PCSK2: variants seen among roughly 807,000 people sequenced by gnomAD.
The protein encoded by PCSK2 is neuroendocrine convertase 2.
PCSK2 carries 14 observed loss-of-function variants against 69.7 expected under a neutral mutation model. That is an observed-to-expected ratio of 0.20 (90% confidence interval 0.13 to 0.31). The LOEUF (loss-of-function observed/expected upper bound fraction) is 0.31, where lower values mean the gene tolerates loss of function less well. Ranked by LOEUF, PCSK2 falls within the 10% of genes least tolerant of loss-of-function variation. PCSK2 has a pLI of 1.00. For synonymous variants in PCSK2, 307 were observed against 320.7 expected (o/e 0.96, Z 0.46); for missense variants, 544 against 842.5 (o/e 0.65, Z 4.39).
intron 2 of PCSK2, among the ~76,000 whole-genome samples, chr20:17,348,020 AGAG>A (rs1225869492): frequency 6.9e-6 from 1 of 145,172 alleles, no homozygotes; most frequent in Admixed American, 6.9e-5. Flanking sequence ...AAGAGAGAAA[AGAG>A]AAAGAAAGAA....
At position 17,465,368 on chromosome 20, in the gene PCSK2, C is replaced by A. The variant is rs748488873; in HGVS notation, c.1245C>A (p.Leu415=). 1.2e-5 allele frequency: 20 copies of A among 1,614,062 alleles called. No individual in the cohort carries two copies. The highest frequency in any genetic ancestry group is 1.7e-5 in the Non-Finnish European group (20 of 1,180,010). The change falls in exon 11 of 12, where the codon CTC becomes CTA. Residue 415 remains leucine, a synonymous_variant. Coordinates refer to ENST00000262545, the MANE Select transcript of PCSK2 (RefSeq NM_002594.5). ...TWRDMQHLTV[L]TSKRNQLHDE... ...GGGACATGCAGCATCTGACTGTGCT[C>A]ACCTCCAAACGGAACCAGCTTCACG...
intron 2 of PCSK2, among the ~76,000 whole-genome samples, chr20:17,272,408 G>C (rs997478742): frequency 1.3e-5 from 2 of 152,042 alleles, no homozygotes; most frequent in Non-Finnish European, 2.9e-5. Flanking sequence ...AAATTTCTAG[G>C]TTCTTCTAAA....
Position 17,360,572 on chromosome 20 carries a change from T to A in PCSK2, c.437T>A (p.Leu146Ter). The change falls in exon 4 of 12, where the codon TTG (leucine) becomes TAG (stop). Residue 146 changes from leucine to a stop codon, truncating the protein, a stop_gained. Coordinates refer to ENST00000262545, the MANE Select transcript of PCSK2 (RefSeq NM_002594.5). LOFTEE classifies it high-confidence loss of function. ...GQADGTPGLD[L>*]NVAEAWELGY... ...GCTGATGGCACTCCTGGCCTTGATT[T>A]GAATGTGGCTGAAGCCTGGGAGCTG... is the stretch of plus-strand genomic sequence containing the variant. The A allele has an allele frequency of 6.2e-7, 1 of 1,613,090 alleles. No homozygotes were observed. Among genetic ancestry groups the A allele is most frequent in the Non-Finnish European group, 8.5e-7 (1 of 1,179,432 alleles).
At chr20:17,321,483 T>G (rs1280105902) in intron 2 of PCSK2, among the ~76,000 whole-genome samples, 2 of 152,176 alleles carry the variant, frequency 1.3e-5, no homozygotes, top group East Asian at 3.9e-4. Flanking sequence ...ATAGCAAGTA[T>G]AGAGCTAATA....
chr20:17,406,481 A>G (rs947447657), intron 5 of PCSK2, among the ~76,000 whole-genome samples: 23 of 152,202 alleles, frequency 1.5e-4, no homozygotes, highest in African/African-American at 4.8e-4. Flanking sequence ...CAACATTCAG[A>G]GGCCAATTTG....
intron 10 of PCSK2, among the ~76,000 whole-genome samples, chr20:17,458,582 G>A (rs1405411494): frequency 1.3e-5 from 2 of 152,172 alleles, no homozygotes; most frequent in Non-Finnish European, 1.5e-5. Context: ...GAGGAATAGG[G>A]CCTCCACAGA....
At chr20:17,281,007 G>T (rs987499462) in intron 2 of PCSK2, among the ~76,000 whole-genome samples, 1 of 152,102 alleles carries the variant, frequency 6.6e-6, no homozygotes, top group South Asian at 2.1e-4. Flanking sequence ...CTGATCTCCC[G>T]CCATATTTGC....
chr20:17,231,062 A>G (rs1276399293), intron 1 of PCSK2, among the ~76,000 whole-genome samples: 2 of 152,248 alleles, frequency 1.3e-5, no homozygotes, highest in African/African-American at 4.8e-5. Context: ...GAAAACAAAA[A>G]TTATTTATTG....
intron 8 of PCSK2, among the ~76,000 whole-genome samples, chr20:17,442,640 A>T (rs1034169390): frequency 6.6e-6 from 1 of 152,206 alleles, no homozygotes; most frequent in African/African-American, 2.4e-5. Flanking sequence ...TGAGCGTGTG[A>T]AAATGCTCAC....
intron 1 of PCSK2, among the ~76,000 whole-genome samples, chr20:17,242,158 G>A (rs1431757989): frequency 6.6e-6 from 1 of 152,218 alleles, no homozygotes; most frequent in African/African-American, 2.4e-5. Flanking sequence ...TCCTGCTTAT[G>A]GGGAAGAGTG....
At chr20:17,231,435 C>T (rs1385036031) in intron 1 of PCSK2, among the ~76,000 whole-genome samples, 1 of 152,150 alleles carries the variant, frequency 6.6e-6, no homozygotes, top group African/African-American at 2.4e-5. Context: ...TTACCAGTAT[C>T]CCTAAGTCCT....
At chr20:17,307,970 G>A (rs1243877523) in intron 2 of PCSK2, among the ~76,000 whole-genome samples, 2 of 152,208 alleles carry the variant, frequency 1.3e-5, no homozygotes, top group African/African-American at 4.8e-5. Flanking sequence ...GAAGGTAAAA[G>A]GAGAGCAGGC....
chr20:17,479,437 C>T (rs539751812), intron 11 of PCSK2: 5 of 578,686 alleles, frequency 8.6e-6, no homozygotes, highest in African/African-American at 5.6e-5. Context: ...TCCATGGTAG[C>T]GCCTGTTCTC....
intron 6 of PCSK2, among the ~76,000 whole-genome samples, chr20:17,411,638 G>A (rs976221122): frequency 6.6e-6 from 1 of 152,262 alleles, no homozygotes; most frequent in Non-Finnish European, 1.5e-5. Context: ...AAACGCCCCT[G>A]TCTGACAGAT....
chr20:17,407,636 G>A (rs2031781863), intron 5 of PCSK2, among the ~76,000 whole-genome samples: 1 of 152,202 alleles, frequency 6.6e-6, no homozygotes, highest in South Asian at 2.1e-4. Flanking sequence ...GGCCAAATCT[G>A]AGAGGGTCTC....
chr20:17,297,011 C>T (rs958020906), intron 2 of PCSK2, among the ~76,000 whole-genome samples: 1 of 152,004 alleles, frequency 6.6e-6, no homozygotes, highest in Non-Finnish European at 1.5e-5. Flanking sequence ...TTTTTAAGGG[C>T]ATTTAAAAAG....
intron 2 of PCSK2, among the ~76,000 whole-genome samples, chr20:17,352,478 A>G (rs1206254472): frequency 6.6e-6 from 1 of 152,250 alleles, no homozygotes; most frequent in Non-Finnish European, 1.5e-5. Flanking sequence ...TCAAAGCAGC[A>G]TGGTAGTGGT....
chr20:17,379,722 T>C (rs2031034963), intron 5 of PCSK2, among the ~76,000 whole-genome samples: 1 of 152,170 alleles, frequency 6.6e-6, no homozygotes, highest in Non-Finnish European at 1.5e-5. Flanking sequence ...CTCTTACAAT[T>C]AGGTTATTAG....
chr20:17,242,120 G>T (rs538384366), intron 1 of PCSK2, among the ~76,000 whole-genome samples: 11 of 152,188 alleles, frequency 7.2e-5, no homozygotes, highest in Non-Finnish European at 1.2e-4. Context: ...GGATAACCAT[G>T]GACAACACAA....
Sources: gnomAD v4.1 joint callset for allele counts (sites outside exome capture counted in the v4.1 genomes callset) on GRCh38, gnomAD v4.1.1 for gene constraint, MANE v1.5 for transcripts, NCBI Gene and HGNC (gene_info 2026-07-23, HGNC 2026-07-21) for gene names.